The following ABI2 variants were observed in gnomAD, a reference collection of about 807,000 sequenced individuals.
The protein encoded by ABI2 is abelson interactor 2.
A neutral mutation model predicts 59.2 loss-of-function variants in ABI2; 25 were observed. The ratio of observed to expected loss-of-function variants is 0.42; its 90% CI spans 0.31 to 0.59. The LOEUF is 0.59. ABI2 is among the 20% of genes least tolerant of loss of function. The pLI is 0.14. For missense variants in ABI2, 545 were observed against 681.8 expected, an observed-to-expected ratio of 0.80 and a Z score of 2.23; for synonymous variants, 213 against 235.5, an observed-to-expected ratio of 0.90 and a Z score of 0.87.
At chr2:203,393,624 T>G (rs911216758) in intron 5 of ABI2, among the ~76,000 whole-genome samples, 4 of 152,212 alleles carry the variant, frequency 2.6e-5, no homozygotes, top group South Asian at 2.1e-4. Context: ...TGCAAAGTGA[T>G]CTCATGCAAA....
chr2:203,331,348 C>T (rs370254027), intron 1 of ABI2, among the ~76,000 whole-genome samples: 15 of 85,302 alleles, frequency 1.8e-4, no homozygotes, highest in East Asian at 4.0e-4. Flanking sequence ...TCAATTTAGC[C>T]TTTTTTTTTT....
At chr2:203,372,694 G>C (rs2095353093) in intron 2 of ABI2, among the ~76,000 whole-genome samples, 1 of 151,008 alleles carries the variant, frequency 6.6e-6, no homozygotes, top group Non-Finnish European at 1.5e-5. Context: ...CCGGGCGTAG[G>C]GGCTCCTCAC....
chr2:203,386,000 A>T (rs2096490454), intron 4 of ABI2, among the ~76,000 whole-genome samples: 1 of 152,062 alleles, frequency 6.6e-6, no homozygotes, highest in South Asian at 2.1e-4. Flanking sequence ...TCCTGAATTT[A>T]TACTCTAATT....
chr2:203,373,890 G>A (rs2095493284), intron 2 of ABI2, among the ~76,000 whole-genome samples: 1 of 152,208 alleles, frequency 6.6e-6, no homozygotes, highest in African/African-American at 2.4e-5. Context: ...TGGGTGTGGT[G>A]GCTCATGCCT....
At chr2:203,344,217 TATAAG>T (rs943956512) in intron 1 of ABI2, among the ~76,000 whole-genome samples, 5 of 152,156 alleles carry the variant, frequency 3.3e-5, no homozygotes, top group African/African-American at 1.2e-4. Flanking sequence ...ATCTTACAAT[TATAAG>T]AAAAGACTAT....
At chr2:203,345,846 A>G (rs556006972) in intron 1 of ABI2, among the ~76,000 whole-genome samples, 75 of 151,588 alleles carry the variant, frequency 4.9e-4, no homozygotes, top group African/African-American at 1.5e-3. Context: ...GTGCCCAGCA[A>G]TATTTTCTTT....
At chr2:203,365,723 G>T (rs1449969147) in intron 1 of ABI2, among the ~76,000 whole-genome samples, 1 of 142,900 alleles carries the variant, frequency 7.0e-6, no homozygotes, top group Non-Finnish European at 1.5e-5. Flanking sequence ...TCTGCCTCCC[G>T]GGTTCACACT....
In ABI2 at chr2:203,394,750, C is replaced by T. The variant is rs1184615343; in HGVS notation, c.629C>T (p.Pro210Leu). 1 of 1,613,948 alleles carries T rather than the reference C, an allele frequency of 6.2e-7. No individual in the cohort carries two copies. Among genetic ancestry groups the T allele is most frequent in the Non-Finnish European group, 8.5e-7 (1 of 1,179,988 alleles). ...TLEPVRPPVV[P>L]NDYVPSPTRN... Reference sequence around the variant, plus strand: ...GAGCCAGTGCGTCCTCCAGTGGTACCAAATGATTACGTACCTAGCCCAACC... The same window carrying T: ...GAGCCAGTGCGTCCTCCAGTGGTACTAAATGATTACGTACCTAGCCCAACC... The change falls in exon 6 of 12, where the codon CCA becomes CTA. Residue 210 changes from proline to leucine, a missense_variant. Physicochemically the swap from Pro to Leu is moderately conservative, Grantham distance 98. Coordinates refer to ENST00000261018, the MANE Select transcript of ABI2 (RefSeq NM_001375670.1).
At chr2:203,368,495 G>A (rs1380787773) in intron 2 of ABI2, among the ~76,000 whole-genome samples, 1 of 152,074 alleles carries the variant, frequency 6.6e-6, no homozygotes, top group Non-Finnish European at 1.5e-5. Flanking sequence ...ATCTTTGAGA[G>A]TCTAAAGTTT....
At chr2:203,422,690 A>C (rs1468545198) in intron 11 of ABI2, among the ~76,000 whole-genome samples, 1 of 152,182 alleles carries the variant, frequency 6.6e-6, no homozygotes, top group Non-Finnish European at 1.5e-5. Context: ...CAAAAGTAGA[A>C]GGCCAGTTTT....
At chr2:203,337,909 A>G (rs2077194195) in intron 1 of ABI2, among the ~76,000 whole-genome samples, 1 of 152,220 alleles carries the variant, frequency 6.6e-6, no homozygotes, top group African/African-American at 2.4e-5. Context: ...ACACGCCTGT[A>G]GTCCCAGCTA....
chr2:203,426,512 G>A (rs1262771684), intron 11 of ABI2, among the ~76,000 whole-genome samples: 1 of 152,140 alleles, frequency 6.6e-6, no homozygotes, highest in East Asian at 1.9e-4. Context: ...ATAGGTATCT[G>A]ATTTTCTTGT....
intron 1 of ABI2, among the ~76,000 whole-genome samples, chr2:203,345,117 G>T (rs1559170549): frequency 6.6e-6 from 1 of 152,148 alleles, no homozygotes; most frequent in Non-Finnish European, 1.5e-5. Context: ...AAATCTTGCT[G>T]CTGCTCACTC....
rs966375935 is a variant in ABI2 at position 203,393,887 on chromosome 2, T to C, written c.579-813T>C. ...AATTTAATAAACACTAATTTCCCCA[T>C]GTGCATCCTGTTCCCTGTCATATTT... On this transcript the variant is annotated intron_variant, in intron 5 of 11. Coordinates refer to ENST00000261018, the MANE Select transcript of ABI2 (RefSeq NM_001375670.1). Among the ~76,000 whole-genome samples the C allele has an allele frequency of 3.3e-5, 5 of 152,220 alleles. No individual in the cohort carries two copies. In the South Asian group the frequency reaches 6.2e-4, roughly 19 times the overall value.
chr2:203,411,700 G>A (rs1185718536), intron 10 of ABI2, among the ~76,000 whole-genome samples: 3 of 152,226 alleles, frequency 2.0e-5, no homozygotes, highest in African/African-American at 7.2e-5. Context: ...TATCACTGGA[G>A]TTTTATGGGT....
At chr2:203,363,502 T>A (rs2093846055) in intron 1 of ABI2, among the ~76,000 whole-genome samples, 1 of 151,040 alleles carries the variant, frequency 6.6e-6, no homozygotes, top group African/African-American at 2.4e-5. Flanking sequence ...TCTTTCCCTC[T>A]ACCTCCTCCT....
At chr2:203,329,937 A>G (rs1433126683) in intron 1 of ABI2, among the ~76,000 whole-genome samples, 1 of 152,054 alleles carries the variant, frequency 6.6e-6, no homozygotes, top group African/African-American at 2.4e-5. Flanking sequence ...GGGTTTCACC[A>G]TGTTGACCAG....
At chr2:203,375,224 T>G (rs2095601784) in intron 2 of ABI2, among the ~76,000 whole-genome samples, 1 of 152,210 alleles carries the variant, frequency 6.6e-6, no homozygotes, top group Non-Finnish European at 1.5e-5. Flanking sequence ...CCTATACAAT[T>G]GCAGTGATAT....
chr2:203,402,062 TCTCA>T (rs1559340740), intron 8 of ABI2, among the ~76,000 whole-genome samples: 1 of 152,104 alleles, frequency 6.6e-6, no homozygotes, highest in Non-Finnish European at 1.5e-5. Context: ...TGAGACAGAG[TCTCA>T]CTCTGTCACC....
Sources: gnomAD v4.1 joint callset for allele counts (sites outside exome capture counted in the v4.1 genomes callset) on GRCh38, gnomAD v4.1.1 for gene constraint, MANE v1.5 for transcripts, NCBI Gene and HGNC (gene_info 2026-07-23, HGNC 2026-07-21) for gene names.